Variants in COL24A1 observed in about 807,000 individuals in gnomAD.
The protein encoded by COL24A1 is collagen alpha-1(XXIV) chain.
A neutral mutation model predicts 253.9 loss-of-function variants in COL24A1; 224 were observed. That is an observed-to-expected ratio of 0.88 (90% CI 0.79 to 0.99). The LOEUF (loss-of-function observed/expected upper bound fraction) is 0.99, where lower values mean the gene tolerates loss of function less well. COL24A1 is among the 50% of genes least tolerant of loss of function. The pLI is 0.00. For missense variants in COL24A1, 2,131 were observed against 2,068.5 expected (o/e 1.03, Z -0.59); for synonymous variants, 685 against 673.7 (o/e 1.02, Z -0.26).
At chr1:85,736,926 GT>G (rs1312430471) in intron 58 of COL24A1, among the ~76,000 whole-genome samples, 1 of 152,110 alleles carries the variant, frequency 6.6e-6, no homozygotes, top group Non-Finnish European at 1.5e-5. Context: ...CATGAAAGAA[GT>G]TTTTAGTAGT....
chr1:85,794,315 TA>T (rs913936281), intron 47 of COL24A1, among the ~76,000 whole-genome samples: 1 of 152,140 alleles, frequency 6.6e-6, no homozygotes, highest in African/African-American at 2.4e-5. Flanking sequence ...TTTTCTAATA[TA>T]AAAAATGTAT....
At chr1:86,100,717 C>T (rs1217971565) in intron 5 of COL24A1, among the ~76,000 whole-genome samples, 1 of 152,144 alleles carries the variant, frequency 6.6e-6, no homozygotes, top group East Asian at 1.9e-4. Context: ...TCCCCTACCC[C>T]CTCTGCCAGG....
intron 39 of COL24A1, among the ~76,000 whole-genome samples, chr1:85,843,629 G>A (rs1182685009): frequency 6.6e-6 from 1 of 152,180 alleles, no homozygotes; most frequent in African/African-American, 2.4e-5. Flanking sequence ...TTGCAGATGT[G>A]CAAGTAGTCT....
At chr1:85,929,735 C>T (rs1281417508) in intron 24 of COL24A1, among the ~76,000 whole-genome samples, 1 of 144,516 alleles carries the variant, frequency 6.9e-6, no homozygotes. Flanking sequence ...CAAACTATCT[C>T]TCAGACCACA....
intron 24 of COL24A1, among the ~76,000 whole-genome samples, chr1:85,926,343 G>GT: frequency 6.6e-6 from 1 of 152,220 alleles, no homozygotes; most frequent in African/African-American, 2.4e-5. Context: ...CCAAAGGATT[G>GT]TAAGTCATGC....
intron 3 of COL24A1, among the ~76,000 whole-genome samples, chr1:86,121,315 T>C (rs557935928): frequency 1.2e-4 from 18 of 152,174 alleles, no homozygotes; most frequent in African/African-American, 3.6e-4. Context: ...CTCAGTACCA[T>C]TGTTTAAACA....
intron 45 of COL24A1, among the ~76,000 whole-genome samples, chr1:85,820,469 T>A (rs1049435278): frequency 6.6e-6 from 1 of 152,072 alleles, no homozygotes; most frequent in Non-Finnish European, 1.5e-5. Flanking sequence ...CCAGCATAGG[T>A]CAAAATACTT....
chr1:86,068,869 T>G (rs957081894), intron 7 of COL24A1, among the ~76,000 whole-genome samples: 1 of 152,124 alleles, frequency 6.6e-6, no homozygotes, highest in African/African-American at 2.4e-5. Context: ...AGATGCACTC[T>G]GGGTCAAAAG....
intron 20 of COL24A1, among the ~76,000 whole-genome samples, chr1:85,981,684 G>GA (rs1275413628): frequency 6.6e-6 from 1 of 152,088 alleles, no homozygotes; most frequent in African/African-American, 2.4e-5. Flanking sequence ...CACAGTTAGA[G>GA]AAAAAAACAA....
At chr1:85,911,227 A>T (rs1487537944) in intron 25 of COL24A1, among the ~76,000 whole-genome samples, 153 bp downstream of exon 25, 1 of 152,052 alleles carries the variant, frequency 6.6e-6, no homozygotes, top group Admixed American at 6.6e-5. Context: ...ACATGCTGTT[A>T]GCTATATTTC....
chr1:85,956,250 AAT>A (rs1013342618), intron 24 of COL24A1, among the ~76,000 whole-genome samples: 2 of 152,172 alleles, frequency 1.3e-5, no homozygotes, highest in African/African-American at 4.8e-5. Context: ...GCCTTCAATA[AAT>A]ATATTTATTT....
At chr1:86,095,597 C>A (rs1391345153) in intron 5 of COL24A1, among the ~76,000 whole-genome samples, 1 of 152,046 alleles carries the variant, frequency 6.6e-6, no homozygotes, top group Non-Finnish European at 1.5e-5. Context: ...TTTTCTCCCT[C>A]ATTTTGTATC....
chr1:85,874,832 A>T, intron 34 of COL24A1, 130 bp from the exon 35 acceptor site: 2 of 902,434 alleles, frequency 2.2e-6, no homozygotes, highest in Non-Finnish European at 3.4e-6. Flanking sequence ...GCCTGTTAGG[A>T]AATGGGCTGC....
At chr1:85,914,304 A>ATGTGTG (rs71078628) in intron 24 of COL24A1, among the ~76,000 whole-genome samples, 1,533 of 139,238 alleles carry the variant, frequency 0.011, 15 homozygotes, top group East Asian at 0.039. Flanking sequence ...TTTGTCATGA[A>ATGTGTG]TGTGTGTGTG....
intron 53 of COL24A1, among the ~76,000 whole-genome samples, chr1:85,772,192 T>C (rs534733428): frequency 6.6e-6 from 1 of 151,800 alleles, no homozygotes; most frequent in Non-Finnish European, 1.5e-5. Flanking sequence ...CTTAATCCAG[T>C]CTATCATTGT....
At chr1:85,757,056 G>A (rs181236069) in intron 55 of COL24A1, among the ~76,000 whole-genome samples, 6 of 152,266 alleles carry the variant, frequency 3.9e-5, no homozygotes, top group Non-Finnish European at 8.8e-5. Context: ...CTGGGTAAAG[G>A]GAGGAATTGA....
rs1673233842 is a variant in COL24A1, at chr1:85,818,087, C to T, written c.3790G>A (p.Gly1264Ser). 1.9e-5 allele frequency: 31 copies of T among 1,612,776 alleles called. No homozygotes were observed. The highest frequency in any genetic ancestry group is 2.5e-5 in the Non-Finnish European group (30 of 1,179,080). The change falls in exon 46 of 60, where the codon GGT (glycine) becomes AGT (serine). Residue 1264 changes from glycine (G) to serine (S), a missense_variant and splice_region_variant. Gly to Ser is a moderately conservative substitution (Grantham distance 56). Transcript: ENST00000370571. ...QGLKGERGSE[G>S]NKGKKGAPGP... ...GGAGCTCCTTTTTTCCCCTTATTAC[C>T]CTAAAGATGGAAAGCACAGTTGTCA...
rs560868200 is a variant in COL24A1 at position 85,804,399 on chromosome 1, T to A, written c.3951+12389A>T. Among the ~76,000 whole-genome samples, 9 of 152,284 alleles carry A rather than the reference T, an allele frequency of 5.9e-5. No homozygotes were observed. The South Asian group carries it at 1.9e-3, about 32-fold the overall frequency. On this transcript the variant is annotated intron_variant, in intron 47 of 59. Coordinates refer to ENST00000370571, the MANE Select transcript of COL24A1 (RefSeq NM_152890.7). ...ATTTTTAAGCCAGCAGAAGAAACTT[T>A]AGTCATCCAATGGAAATGAGGAAAG...
chr1:85,748,311 G>A (rs1195486055), intron 55 of COL24A1, among the ~76,000 whole-genome samples: 1 of 152,186 alleles, frequency 6.6e-6, no homozygotes, highest in African/African-American at 2.4e-5. Context: ...AACTCAAATA[G>A]CTGCACAGTG....
Sources: gnomAD v4.1 joint callset for allele counts (sites outside exome capture counted in the v4.1 genomes callset) on GRCh38, gnomAD v4.1.1 for gene constraint, MANE v1.5 for transcripts, NCBI Gene and HGNC (gene_info 2026-07-23, HGNC 2026-07-21) for gene names.